PARD3: variants seen among roughly 807,000 people sequenced by gnomAD.
The protein encoded by PARD3 is partitioning defective 3 homolog.
PARD3 carries 75 observed loss-of-function variants against 155.4 expected under a neutral mutation model. The ratio of observed to expected loss-of-function variants is 0.48; its 90% CI spans 0.40 to 0.58. The LOEUF is 0.58. Ranked by LOEUF, PARD3 falls within the 20% of genes least tolerant of loss-of-function variation. The pLI, the probability that PARD3 is intolerant of heterozygous loss-of-function variation, is 0.00. For missense variants in PARD3, 1,642 were observed against 1,721.7 expected (o/e 0.95, Z 0.82); for synonymous variants, 576 against 610.5 (o/e 0.94, Z 0.83).
At chr10:34,437,358 C>T (rs894445392) in intron 5 of PARD3, among the ~76,000 whole-genome samples, 3 of 151,958 alleles carry the variant, frequency 2.0e-5, no homozygotes, top group Non-Finnish European at 4.4e-5. Flanking sequence ...AAATGATTTC[C>T]AAAACTCAAA....
intron 3 of PARD3, among the ~76,000 whole-genome samples, chr10:34,514,704 AAG>A (rs1386489177): frequency 1.3e-5 from 2 of 152,176 alleles, no homozygotes; most frequent in Non-Finnish European, 2.9e-5. Flanking sequence ...ACAAGATAAA[AAG>A]AGATATTTGG....
chr10:34,656,419 C>G (rs2093167797), intron 2 of PARD3, among the ~76,000 whole-genome samples: 1 of 152,128 alleles, frequency 6.6e-6, no homozygotes, highest in Admixed American at 6.5e-5. Context: ...AAACTTGGCA[C>G]AGTTGAAATC....
intron 1 of PARD3, among the ~76,000 whole-genome samples, chr10:34,805,509 TA>T (rs769813804): frequency 1.4e-5 from 2 of 147,650 alleles, no homozygotes; most frequent in African/African-American, 2.5e-5. Flanking sequence ...TATACCACCA[TA>T]AAAGATCACC....
chr10:34,730,505 C>T (rs1466755840), intron 1 of PARD3, among the ~76,000 whole-genome samples: 1 of 152,148 alleles, frequency 6.6e-6, no homozygotes, highest in Admixed American at 6.5e-5. Flanking sequence ...AAATATACTC[C>T]ATGGCTAGGA....
chr10:34,254,420 T>A (rs538164679), intron 22 of PARD3, among the ~76,000 whole-genome samples: 1 of 150,826 alleles, frequency 6.6e-6, no homozygotes, highest in African/African-American at 2.4e-5. Context: ...AACAAAAAAA[T>A]TAAGATAAAG....
intron 3 of PARD3, among the ~76,000 whole-genome samples, chr10:34,473,976 T>C (rs2078530403): frequency 6.6e-6 from 1 of 152,204 alleles, no homozygotes; most frequent in African/African-American, 2.4e-5. Context: ...GCCCTTGAAT[T>C]CTTTCCTGGG....
chr10:34,292,987 A>G (rs1489290194), intron 20 of PARD3, among the ~76,000 whole-genome samples: 1 of 152,194 alleles, frequency 6.6e-6, no homozygotes, highest in Non-Finnish European at 1.5e-5. Context: ...TAGGGGGGAC[A>G]AAGGGAACCG....
intron 22 of PARD3, among the ~76,000 whole-genome samples, chr10:34,183,314 A>G (rs777050505): frequency 4.6e-5 from 7 of 152,014 alleles, no homozygotes; most frequent in Non-Finnish European, 7.4e-5. Flanking sequence ...CACAGCCTCC[A>G]CCTCCCTGGG....
intron 1 of PARD3, among the ~76,000 whole-genome samples, chr10:34,797,191 C>T (rs115657108): frequency 0.017 from 2,586 of 152,250 alleles, 64 homozygotes; most frequent in African/African-American, 0.059. Flanking sequence ...TGCTCTGTCA[C>T]CCAGGCTGCA....
At chr10:34,585,162 G>A (rs2087890132) in intron 2 of PARD3, among the ~76,000 whole-genome samples, 1 of 151,948 alleles carries the variant, frequency 6.6e-6, no homozygotes, top group Non-Finnish European at 1.5e-5. Context: ...ACTAACTCTT[G>A]GACAGTTTAT....
chr10:34,290,534 C>A (rs542339119), intron 20 of PARD3, among the ~76,000 whole-genome samples: 14 of 152,256 alleles, frequency 9.2e-5, no homozygotes, highest in Admixed American at 5.9e-4. Context: ...AATATGAGTT[C>A]AATGTCAGCT....
chr10:34,439,017 CAA>C (rs1166858447), intron 5 of PARD3, among the ~76,000 whole-genome samples: 2 of 152,078 alleles, frequency 1.3e-5, no homozygotes, highest in East Asian at 3.9e-4. Flanking sequence ...GAGAGAAAAA[CAA>C]GAGACATTCA....
intron 2 of PARD3, among the ~76,000 whole-genome samples, chr10:34,560,014 A>C (rs2085333543): frequency 6.6e-6 from 1 of 152,240 alleles, no homozygotes; most frequent in Non-Finnish European, 1.5e-5. Flanking sequence ...TTGAAGGCTG[A>C]GATGGGACAT....
At chr10:34,193,286 G>A (rs145958709) in intron 22 of PARD3, among the ~76,000 whole-genome samples, 1 of 152,064 alleles carries the variant, frequency 6.6e-6, no homozygotes. Context: ...ACCTAGAAAG[G>A]GAGAGATTGT....
intron 20 of PARD3, among the ~76,000 whole-genome samples, chr10:34,303,109 T>C (rs1035591235): frequency 6.6e-6 from 1 of 150,532 alleles, no homozygotes; most frequent in Admixed American, 6.6e-5. Flanking sequence ...TTAGAAACCA[T>C]TTTTGCCAGG....
intron 2 of PARD3, among the ~76,000 whole-genome samples, chr10:34,518,154 C>A (rs946870454): frequency 1.3e-5 from 2 of 152,236 alleles, no homozygotes; most frequent in Admixed American, 1.3e-4. Flanking sequence ...GCTGGGATTA[C>A]AGGCGTGAGC....
At chr10:34,398,857 A>C (rs1380391626) in intron 7 of PARD3, among the ~76,000 whole-genome samples, 3 of 152,214 alleles carry the variant, frequency 2.0e-5, no homozygotes, top group Admixed American at 2.0e-4. Context: ...TAATTTTTTA[A>C]AATTTCATAT....
chr10:34,539,656 G>C (rs533722419), intron 2 of PARD3, among the ~76,000 whole-genome samples: 1 of 152,206 alleles, frequency 6.6e-6, no homozygotes, highest in Non-Finnish European at 1.5e-5. Flanking sequence ...GCGAGACTCC[G>C]TCTCAAAAAG....
intron 22 of PARD3, among the ~76,000 whole-genome samples, chr10:34,242,894 T>A (rs1953700005): frequency 6.6e-6 from 1 of 152,110 alleles, no homozygotes; most frequent in African/African-American, 2.4e-5. Flanking sequence ...GAGATCACAC[T>A]ATTGCACTCC....
Sources: allele counts gnomAD v4.1 joint callset (sites outside exome capture counted in the v4.1 genomes callset), GRCh38; gene constraint gnomAD v4.1.1; transcripts MANE v1.5; gene names NCBI Gene and HGNC (gene_info 2026-07-23, HGNC 2026-07-21).